MAGOHB: variants seen among roughly 807,000 people sequenced by gnomAD.
MAGOHB encodes mago homolog B, exon junction complex subunit.
Under a neutral mutation model 20.9 loss-of-function variants are expected in MAGOHB, and 15 were observed. The observed-to-expected ratio is 0.72, with a 90% CI of 0.48 to 1.11. The LOEUF is 1.11. Among genes scored for constraint, MAGOHB ranks in the 50% least tolerant of loss-of-function variants. The probability of loss-of-function intolerance (pLI) is 0.00; values close to 1 mark genes in which losing one functional copy is unlikely to be tolerated. For missense variants in MAGOHB, 162 were observed against 177.6 expected, an observed-to-expected ratio of 0.91 and a Z score of 0.50; for synonymous variants, 50 against 57.9, an observed-to-expected ratio of 0.86 and a Z score of 0.62.
chr12:10,613,542 C>A lies in MAGOHB; in HGVS notation c.-10G>T, dbSNP rs750393446. The A allele has an allele frequency of 1.2e-6, 2 of 1,603,750 alleles. No individual in the cohort carries two copies. Among genetic ancestry groups the A allele is most frequent in the East Asian group, 2.2e-5 (1 of 44,806 alleles). The stretch of plus-strand genomic sequence containing the variant: ...CGCTAGCCACAGCCATTTTTGTACC[C>A]GGGAAGCCCGCCGAAAACGCAGCCA... On this transcript the variant is annotated 5_prime_UTR_variant, in exon 1 of 5. Transcript: ENST00000320756.
At chr12:10,613,079 G>GA (rs903370302) in intron 1 of MAGOHB, 2 of 615,858 alleles carry the variant, frequency 3.2e-6, no homozygotes, top group Non-Finnish European at 4.9e-6. Context: ...CAGCCTAAAT[G>GA]AAAAAAAGGT....
rs138721380 is a variant in MAGOHB at position 10,607,486 on chromosome 12, A to C, written c.347+368T>G. Among the ~76,000 whole-genome samples the C allele has an allele frequency of 6.7e-4, 102 of 152,260 alleles. 2 individuals carry two copies. The East Asian group carries it at 0.018, about 27-fold the overall frequency. On this transcript the variant is annotated intron_variant, in intron 4 of 4. Transcript: ENST00000320756. ...ATGGATTTTTTCCATCTTTTTCCCA[A>C]GTATTGAGCCCAAGAAGGACAGTGA... is the stretch of plus-strand genomic sequence containing the variant.
downstream of MAGOHB, among the ~76,000 whole-genome samples, chr12:10,601,983 G>A (rs540675840): frequency 6.6e-6 from 1 of 152,218 alleles, no homozygotes; most frequent in South Asian, 2.1e-4. Context: ...ATCCTGCCAT[G>A]AGGCTTGGCG....
At position 10,613,542 on chromosome 12, in the gene MAGOHB, C is replaced by T. The variant is rs750393446; in HGVS notation, c.-10G>A. The T allele has an allele frequency of 6.9e-6, 11 of 1,603,632 alleles. No individual in the cohort carries two copies. Among genetic ancestry groups the T allele is most frequent in the Non-Finnish European group, 9.4e-6 (11 of 1,170,596 alleles). On this transcript the variant is annotated 5_prime_UTR_variant, in exon 1 of 5. Coordinates refer to ENST00000320756, the MANE Select transcript of MAGOHB (RefSeq NM_018048.5). ...CGCTAGCCACAGCCATTTTTGTACC[C>T]GGGAAGCCCGCCGAAAACGCAGCCA...
At chr12:10,609,334 TG>T in intron 3 of MAGOHB, 1 of 417,358 alleles carries the variant, frequency 2.4e-6, no homozygotes, top group East Asian at 7.1e-5. Flanking sequence ...TTTTACAGAG[TG>T]AAATTAGGCC....
chr12:10,606,369 G>A lies in MAGOHB; in HGVS notation c.353C>T (p.Pro118Leu), dbSNP rs778262758. Residue 118 changes from proline to leucine, a missense_variant, in exon 5 of 5, where the codon CCT becomes CTT. By Grantham distance (98) the Pro-to-Leu change is moderately conservative. Coordinates refer to ENST00000320756, the MANE Select transcript of MAGOHB (RefSeq NM_018048.5). The part of the protein sequence containing the change: ...SLIDVNQSKD[P>L]EGLRVFYYLV... ...ATAGTAAAATACTCGAAGGCCTTCA[G>A]GATCCCTAAAATTTAAAAAGGTAAA... 7 of 1,549,516 alleles carry A rather than the reference G, an allele frequency of 4.5e-6. No individual in the cohort carries two copies. The highest frequency in any genetic ancestry group is 6.1e-6 in the Non-Finnish European group (7 of 1,143,600).
intron 4 of MAGOHB, among the ~76,000 whole-genome samples, chr12:10,607,181 A>C (rs749511607): frequency 6.6e-6 from 1 of 152,220 alleles, no homozygotes; most frequent in Non-Finnish European, 1.5e-5. Flanking sequence ...ATATTTATTG[A>C]AAGCATCTAT....
At chr12:10,612,703 A>C in intron 1 of MAGOHB, 1 of 1,157,712 alleles carries the variant, frequency 8.6e-7, no homozygotes. Flanking sequence ...CCCAAAAAAT[A>C]TATATCCAAA....
chr12:10,607,409 G>A (rs1865647695), intron 4 of MAGOHB, among the ~76,000 whole-genome samples: 1 of 152,158 alleles, frequency 6.6e-6, no homozygotes, highest in African/African-American at 2.4e-5. Flanking sequence ...CTGGGGCAGA[G>A]GAGAGACAGA....
intron 4 of MAGOHB, 25 bp downstream of exon 4, chr12:10,607,829 C>A: frequency 7.2e-7 from 1 of 1,391,292 alleles, no homozygotes; most frequent in South Asian, 1.2e-5. Flanking sequence ...ATGAAAACTT[C>A]GCCAAAATGC....
intron 4 of MAGOHB, 51 bp downstream of exon 4, chr12:10,607,803 A>G: frequency 1.0e-6 from 1 of 986,932 alleles, no homozygotes; most frequent in South Asian, 1.4e-5. Flanking sequence ...TAGTTCTAAA[A>G]TGAGCCTCTG....
At chr12:10,613,083 A>C in intron 1 of MAGOHB, 2 of 600,252 alleles carry the variant, frequency 3.3e-6, no homozygotes, top group Non-Finnish European at 5.1e-6. Flanking sequence ...CTAAATGAAA[A>C]AAAGGTACTG....
chr12:10,599,813 A>G (rs755245953), downstream of MAGOHB: 4 of 152,220 alleles, frequency 2.6e-5, no homozygotes, highest in Non-Finnish European at 4.4e-5. Context: ...AATAATGTTC[A>G]AAATCAATAT....
In MAGOHB at chr12:10,604,616, G is replaced by A. The variant is rs1865592251; in HGVS notation, c.*1659C>T. 1 of 152,172 alleles carries A rather than the reference G, an allele frequency of 6.6e-6. No individual in the cohort carries two copies. The highest frequency in any genetic ancestry group is 1.5e-5 in the Non-Finnish European group (1 of 68,026). 9.4% of individuals were successfully genotyped at this position (152,172 alleles called of 1,614,324 possible). ...ACCAACAACTGTGGGCCTACTGGAAGTTCAAAAGACGATTGTTCCTGTTTC... is the reference window on the plus strand; with the variant it reads ...ACCAACAACTGTGGGCCTACTGGAAATTCAAAAGACGATTGTTCCTGTTTC... On this transcript the variant is annotated 3_prime_UTR_variant, in exon 5 of 5. Transcript: ENST00000320756.
At chr12:10,612,230 CAT>C (rs1865759114) in intron 1 of MAGOHB, among the ~76,000 whole-genome samples, 2 of 149,070 alleles carry the variant, frequency 1.3e-5, no homozygotes, top group Admixed American at 6.6e-5. Flanking sequence ...CATAACATAA[CAT>C]AACATAACAT....
At position 10,610,596 on chromosome 12, in the gene MAGOHB, AAAAAAGACATTC is replaced by A; in HGVS notation, c.153+14_153+25del. Reference sequence around the variant, plus strand: ...TAAATGCAAAAAAAAAAAAAAAAAAAAAAAAGACATTCACATAGAACTTACCTCTTTTCTGAT... The same window carrying A: ...TAAATGCAAAAAAAAAAAAAAAAAAAACATAGAACTTACCTCTTTTCTGAT... On this transcript the variant is annotated intron_variant, in intron 2 of 4. Coordinates refer to ENST00000320756, the MANE Select transcript of MAGOHB (RefSeq NM_018048.5). 7.2e-7 allele frequency: 1 copy of A among 1,387,548 alleles called. No homozygotes were observed. Among genetic ancestry groups the A allele is most frequent in the Non-Finnish European group, 9.5e-7 (1 of 1,055,306 alleles). The allele number at this position is 1,387,548 out of a possible 1,614,324, so 86.0% of individuals were successfully genotyped here.
At chr12:10,607,317 T>C (rs1565550352) in intron 4 of MAGOHB, among the ~76,000 whole-genome samples, 1 of 152,084 alleles carries the variant, frequency 6.6e-6, no homozygotes, top group East Asian at 1.9e-4. Context: ...AAGAGCACTA[T>C]GGGGACACTT....
At chr12:10,611,359 T>G (rs1308675655) in intron 1 of MAGOHB, among the ~76,000 whole-genome samples, 1 of 152,182 alleles carries the variant, frequency 6.6e-6, no homozygotes, top group African/African-American at 2.4e-5. Flanking sequence ...GATTGCTGTA[T>G]TATCTGATGT....
chr12:10,601,029 G>A (rs909267955), downstream of MAGOHB, among the ~76,000 whole-genome samples: 10 of 152,176 alleles, frequency 6.6e-5, no homozygotes, highest in African/African-American at 2.4e-4. Context: ...CTTGCTGCTG[G>A]GCATTTTCTT....
Sources: gnomAD v4.1 joint callset for allele counts (sites outside exome capture counted in the v4.1 genomes callset) on GRCh38, gnomAD v4.1.1 for gene constraint, MANE v1.5 for transcripts, NCBI Gene and HGNC (gene_info 2026-07-23, HGNC 2026-07-21) for gene names.